HACD2: variants seen among roughly 807,000 people sequenced by gnomAD.
The protein encoded by HACD2 is very-long-chain (3R)-3-hydroxyacyl-CoA dehydratase 2.
In HACD2, 15 loss-of-function variants were observed where a neutral mutation model predicts 31.0. The ratio of observed to expected loss-of-function variants is 0.48; its 90% CI spans 0.32 to 0.75. HACD2 has a LOEUF of 0.75. Ranked by LOEUF, HACD2 falls within the 30% of genes least tolerant of loss-of-function variation. The probability of loss-of-function intolerance (pLI) is 0.03; values close to 1 mark genes in which losing one functional copy is unlikely to be tolerated. For synonymous variants in HACD2, 115 were observed against 122.2 expected (o/e 0.94, Z 0.39); for missense variants, 283 against 313.0 (o/e 0.90, Z 0.72).
At chr3:123,527,777 C>A (rs781716020) in intron 4 of HACD2, among the ~76,000 whole-genome samples, 1 of 152,204 alleles carries the variant, frequency 6.6e-6, no homozygotes, top group Non-Finnish European at 1.5e-5. Context: ...GCAAAAGTTG[C>A]GGCCACAGGG....
chr3:123,525,738 CTG>C (rs1435420315), intron 4 of HACD2, among the ~76,000 whole-genome samples: 4 of 152,020 alleles, frequency 2.6e-5, no homozygotes, highest in Non-Finnish European at 5.9e-5. Context: ...TAAAAAGAAA[CTG>C]AGAAATGATA....
At chr3:123,552,442 C>T (rs534495695) in intron 3 of HACD2, among the ~76,000 whole-genome samples, 1 of 152,314 alleles carries the variant, frequency 6.6e-6, no homozygotes, top group East Asian at 1.9e-4. Flanking sequence ...AGAGACTATA[C>T]TTCACTGCAT....
At chr3:123,579,580 T>TG (rs917591729) in intron 2 of HACD2, among the ~76,000 whole-genome samples, 13 of 152,156 alleles carry the variant, frequency 8.5e-5, no homozygotes, top group African/African-American at 3.1e-4. Flanking sequence ...CTGGGATTGC[T>TG]GGGACTATAA....
rs543216334 is a variant in HACD2, at chr3:123,535,763, A to G, written c.293-7289T>C. On this transcript the variant is annotated intron_variant, in intron 3 of 6. Coordinates refer to ENST00000383657, the MANE Select transcript of HACD2 (RefSeq NM_198402.5). ...GTCGGAGACTGATATAAAATTCTCT[A>G]TGGGAACCAGGGACACTTCCTTCAG... 1.2e-4 allele frequency among the ~76,000 whole-genome samples: 18 copies of G among 152,360 alleles called. No individual in the cohort carries two copies. In the South Asian group the frequency reaches 3.5e-3, roughly 30 times the overall value.
chr3:123,524,434 C>G (rs2056253420), intron 4 of HACD2, among the ~76,000 whole-genome samples: 1 of 152,046 alleles, frequency 6.6e-6, no homozygotes, highest in Non-Finnish European at 1.5e-5. Context: ...AGCACTTGAG[C>G]AGTAAAAAAA....
At chr3:123,500,426 G>T in intron 6 of HACD2, 89 bp downstream of exon 6, 1 of 800,028 alleles carries the variant, frequency 1.2e-6, no homozygotes, top group Non-Finnish European at 1.9e-6. Context: ...CATTTACTTG[G>T]ATATAGTGCA....
intron 3 of HACD2, among the ~76,000 whole-genome samples, chr3:123,561,700 T>A (rs918008776): frequency 6.6e-6 from 1 of 151,720 alleles, no homozygotes; most frequent in African/African-American, 2.4e-5. Context: ...AGAAAAGATA[T>A]AACACTTCTT....
At chr3:123,553,683 C>A (rs983298824) in intron 3 of HACD2, among the ~76,000 whole-genome samples, 3 of 152,196 alleles carry the variant, frequency 2.0e-5, no homozygotes, top group Non-Finnish European at 4.4e-5. Context: ...TAAACCACTG[C>A]ATATTTAGAT....
At chr3:123,568,205 T>TCA (rs1157895145) in intron 2 of HACD2, among the ~76,000 whole-genome samples, 1 of 152,208 alleles carries the variant, frequency 6.6e-6, no homozygotes, top group Admixed American at 6.5e-5. Context: ...GGCAGGCCCT[T>TCA]CAATGCAGAC....
At chr3:123,537,018 T>C (rs1318348187) in intron 3 of HACD2, among the ~76,000 whole-genome samples, 1 of 152,180 alleles carries the variant, frequency 6.6e-6, no homozygotes, top group African/African-American at 2.4e-5. Context: ...AAAATGCCCA[T>C]GGTGGGCACT....
At chr3:123,496,959 G>T (rs1162249888) in intron 6 of HACD2, among the ~76,000 whole-genome samples, 2 of 152,226 alleles carry the variant, frequency 1.3e-5, no homozygotes, top group Non-Finnish European at 2.9e-5. Flanking sequence ...CATGGGCAGG[G>T]CCTGCCACCT....
intron 4 of HACD2, among the ~76,000 whole-genome samples, chr3:123,513,085 A>C (rs2056084642): frequency 1.3e-5 from 2 of 152,194 alleles, no homozygotes; most frequent in African/African-American, 4.8e-5. Context: ...TCAATGGATG[A>C]TGGAAGGAAG....
At position 123,582,313 on chromosome 3, in the gene HACD2, C is replaced by T. The variant is rs1481956035; in HGVS notation, c.172G>A (p.Val58Ile). The T allele has an allele frequency of 5.1e-6, 8 of 1,580,850 alleles. No individual in the cohort carries two copies. Among genetic ancestry groups the T allele is most frequent in the Admixed American group, 1.9e-5 (1 of 53,024 alleles). Residue 58 changes from valine to isoleucine, a missense_variant, in exon 2 of 7, where the codon GTT (valine) becomes ATT (isoleucine). Physicochemically the swap from Val to Ile is conservative, Grantham distance 29. Transcript: ENST00000383657. ...VMTAGWLVIA[V>I]GLVRAYLAKG... ...GCCAGGTATGCTCGGACCAGACCAACCGCTATAACCAGCCACCTAGTAAAA... is the reference window on the plus strand; with the variant it reads ...GCCAGGTATGCTCGGACCAGACCAATCGCTATAACCAGCCACCTAGTAAAA...
intron 4 of HACD2, among the ~76,000 whole-genome samples, chr3:123,509,474 C>T (rs770921964): frequency 4.0e-5 from 6 of 150,312 alleles, no homozygotes; most frequent in Non-Finnish European, 8.8e-5. Context: ...TTCATTGAAC[C>T]CCTCCAACCT....
At chr3:123,496,141 A>G (rs2055829817) in intron 6 of HACD2, among the ~76,000 whole-genome samples, 1 of 152,068 alleles carries the variant, frequency 6.6e-6, no homozygotes. Flanking sequence ...CTCCCCACTC[A>G]GCCTCCTGAG....
At chr3:123,514,236 T>C (rs1439601565) in intron 4 of HACD2, among the ~76,000 whole-genome samples, 1 of 151,950 alleles carries the variant, frequency 6.6e-6, no homozygotes, top group Non-Finnish European at 1.5e-5. Flanking sequence ...GATCTCGCCA[T>C]TGCACTCCAG....
At chr3:123,579,997 T>C (rs1276005314) in intron 2 of HACD2, among the ~76,000 whole-genome samples, 1 of 152,044 alleles carries the variant, frequency 6.6e-6, no homozygotes, top group Non-Finnish European at 1.5e-5. Flanking sequence ...TTGGGAAAAC[T>C]ATTATACTTA....
chr3:123,551,997 T>C (rs2056625223), intron 3 of HACD2, among the ~76,000 whole-genome samples: 2 of 151,844 alleles, frequency 1.3e-5, no homozygotes, highest in Admixed American at 1.3e-4. Context: ...TAAGTAAAAA[T>C]AATAAACAGC....
intron 3 of HACD2, among the ~76,000 whole-genome samples, chr3:123,531,795 AG>A (rs2107710485): frequency 6.6e-6 from 1 of 152,344 alleles, no homozygotes; most frequent in East Asian, 1.9e-4. Context: ...AAAAGATTTT[AG>A]CTTAAATCAT....
Sources: allele counts gnomAD v4.1 joint callset (sites outside exome capture counted in the v4.1 genomes callset), GRCh38; gene constraint gnomAD v4.1.1; transcripts MANE v1.5; gene names NCBI Gene and HGNC (gene_info 2026-07-23, HGNC 2026-07-21).